The following EFCAB11 variants were observed in gnomAD, a reference collection of about 807,000 sequenced individuals.
EFCAB11 encodes the protein EF-hand calcium-binding domain-containing protein 11.
In EFCAB11, 14 loss-of-function variants were observed where a neutral mutation model predicts 23.0. The ratio of observed to expected loss-of-function variants is 0.61; its 90% confidence interval spans 0.40 to 0.95. The LOEUF is 0.95. Ranked by LOEUF, EFCAB11 falls within the 40% of genes least tolerant of loss-of-function variation. The probability of loss-of-function intolerance (pLI) is 0.00; values close to 1 mark genes in which losing one functional copy is unlikely to be tolerated. For synonymous variants in EFCAB11, 65 were observed against 66.6 expected, an observed-to-expected ratio of 0.98 and a Z score of 0.11; for missense variants, 198 against 195.8, an observed-to-expected ratio of 1.01 and a Z score of -0.07.
At chr14:89,905,432 G>A (rs1009321862) in intron 5 of EFCAB11, among the ~76,000 whole-genome samples, 10 of 152,106 alleles carry the variant, frequency 6.6e-5, no homozygotes, top group Admixed American at 1.3e-4. Flanking sequence ...CAGGTGGCAC[G>A]TGCTTAGTGC....
chr14:89,927,527 G>T (rs143461056), intron 5 of EFCAB11, among the ~76,000 whole-genome samples: 5 of 152,142 alleles, frequency 3.3e-5, no homozygotes, highest in Non-Finnish European at 7.4e-5. Context: ...AAAAGTGAAC[G>T]TCTAACCTTG....
chr14:89,934,222 G>C (rs1890499839), intron 3 of EFCAB11, among the ~76,000 whole-genome samples: 1 of 152,146 alleles, frequency 6.6e-6, no homozygotes, highest in African/African-American at 2.4e-5. Flanking sequence ...GGAGGTGGGG[G>C]AGCAAAAATG....
At chr14:89,875,984 G>A (rs1888425603) in intron 5 of EFCAB11, among the ~76,000 whole-genome samples, 1 of 152,190 alleles carries the variant, frequency 6.6e-6, no homozygotes. Flanking sequence ...TCTCAAGGAG[G>A]TCATTAGTTT....
At chr14:89,824,091 CTAAG>C (rs1465459695) in intron 5 of EFCAB11, among the ~76,000 whole-genome samples, 1 of 151,990 alleles carries the variant, frequency 6.6e-6, no homozygotes, top group Non-Finnish European at 1.5e-5. Context: ...TCAATGAACT[CTAAG>C]TAAGATAATG....
chr14:89,852,858 CCT>C (rs1456400062), intron 5 of EFCAB11, among the ~76,000 whole-genome samples: 1 of 152,186 alleles, frequency 6.6e-6, no homozygotes, highest in Non-Finnish European at 1.5e-5. Context: ...TCTCCTGTCC[CCT>C]GTCCCCATCC....
intron 5 of EFCAB11, among the ~76,000 whole-genome samples, chr14:89,862,834 A>G (rs11625986): frequency 0.086 from 13,030 of 152,264 alleles, 1,196 homozygotes; most frequent in African/African-American, 0.23. Flanking sequence ...AAGGTAAGAC[A>G]AAGTTAGCTC....
intron 5 of EFCAB11, among the ~76,000 whole-genome samples, chr14:89,811,079 A>G (rs1886136552): frequency 6.6e-6 from 1 of 152,014 alleles, no homozygotes; most frequent in Non-Finnish European, 1.5e-5. Context: ...GAAATCTGAG[A>G]AGCATGGAGC....
intron 5 of EFCAB11, among the ~76,000 whole-genome samples, chr14:89,810,979 A>G (rs924340689): frequency 6.6e-6 from 1 of 152,122 alleles, no homozygotes; most frequent in Non-Finnish European, 1.5e-5. Flanking sequence ...CAGTGTACTA[A>G]GTGCCCTGAA....
intron 5 of EFCAB11, among the ~76,000 whole-genome samples, chr14:89,896,865 A>AT (rs1889183889): frequency 6.6e-6 from 1 of 152,088 alleles, no homozygotes; most frequent in Admixed American, 6.5e-5. Flanking sequence ...CTAGGGCTAT[A>AT]TGTATGTGCC....
rs574373876 is a variant in EFCAB11, at chr14:89,845,224, A to C, written c.411-47900T>G. ...TTCCATCGGTACTTTCTGAATATGC[A>C]TCATGAGTTCATCCAAGTAAACGGA... On this transcript the variant is annotated intron_variant, in intron 5 of 5. Transcript: ENST00000316738. Among the ~76,000 whole-genome samples, 14 of 152,334 alleles carry C rather than the reference A, an allele frequency of 9.2e-5. No homozygotes were observed. In the East Asian group the frequency reaches 2.7e-3, roughly 29 times the overall value.
intron 3 of EFCAB11, among the ~76,000 whole-genome samples, chr14:89,939,064 T>C (rs1005013087): frequency 6.6e-6 from 1 of 152,112 alleles, no homozygotes; most frequent in African/African-American, 2.4e-5. Context: ...ATTGTTACTT[T>C]TTTATTATAC....
At chr14:89,883,527 A>C (rs1265237261) in intron 5 of EFCAB11, among the ~76,000 whole-genome samples, 3 of 152,226 alleles carry the variant, frequency 2.0e-5, no homozygotes, top group Non-Finnish European at 4.4e-5. Flanking sequence ...CATAATGCCT[A>C]ATACATTGTA....
intron 3 of EFCAB11, chr14:89,938,005 C>T (rs1430610502): frequency 3.9e-5 from 6 of 151,966 alleles, no homozygotes; most frequent in Non-Finnish European, 8.8e-5. Context: ...AAAAGTCTAA[C>T]AAAACTATAT....
Position 89,920,582 on chromosome 14 carries a change from C to A in EFCAB11, c.410+10959G>T, listed in dbSNP as rs1290514215. On this transcript the variant is annotated intron_variant, in intron 5 of 5. Coordinates refer to ENST00000316738, the MANE Select transcript of EFCAB11 (RefSeq NM_145231.4). ...TTTTCCCTCATGTGTAAAATGGGGA[C>A]AGACGGAGCCCAACCCAAGATGTTC... 3.3e-5 allele frequency among the ~76,000 whole-genome samples: 5 copies of A among 152,204 alleles called. 1 individual carries two copies. Among genetic ancestry groups the A allele is most frequent in the Admixed American group, 3.3e-4 (5 of 15,272 alleles).
At chr14:89,827,618 T>A (rs896632899) in intron 5 of EFCAB11, among the ~76,000 whole-genome samples, 3 of 151,256 alleles carry the variant, frequency 2.0e-5, no homozygotes, top group Admixed American at 6.6e-5. Context: ...ATGAAGCAAT[T>A]TTATTCACTC....
At chr14:89,938,213 G>C (rs565840999) in intron 3 of EFCAB11, 20 of 152,252 alleles carry the variant, frequency 1.3e-4, no homozygotes, top group African/African-American at 4.6e-4. Context: ...AAGTTATTTG[G>C]ACAGTAAGCC....
intron 5 of EFCAB11, among the ~76,000 whole-genome samples, chr14:89,849,635 T>C (rs1379968967): frequency 1.4e-5 from 2 of 145,808 alleles, no homozygotes; most frequent in African/African-American, 5.1e-5. Context: ...TAAGATACTC[T>C]TATTGCTAAT....
At chr14:89,948,889 A>G (rs1462682334) in intron 3 of EFCAB11, among the ~76,000 whole-genome samples, 2 of 152,190 alleles carry the variant, frequency 1.3e-5, no homozygotes, top group Non-Finnish European at 2.9e-5. Flanking sequence ...TACAAAAAAA[A>G]AAAAATAGAG....
At chr14:89,914,406 C>T (rs904314188) in intron 5 of EFCAB11, among the ~76,000 whole-genome samples, 3 of 152,134 alleles carry the variant, frequency 2.0e-5, no homozygotes, top group African/African-American at 7.2e-5. Flanking sequence ...GATGTTTACT[C>T]CAACTCTGAG....
Sources: allele counts gnomAD v4.1 joint callset (sites outside exome capture counted in the v4.1 genomes callset), GRCh38; gene constraint gnomAD v4.1.1; transcripts MANE v1.5; gene names NCBI Gene and HGNC (gene_info 2026-07-23, HGNC 2026-07-21).